Variants in TUBGCP6 observed in about 807,000 individuals in gnomAD.
TUBGCP6 encodes the protein gamma-tubulin complex component 6.
In TUBGCP6, 161 loss-of-function variants were observed where a neutral mutation model predicts 175.8. The observed-to-expected ratio is 0.92, with a 90% CI of 0.81 to 1.04. TUBGCP6 has a LOEUF of 1.04. TUBGCP6 is among the 50% of genes least tolerant of loss of function. The pLI is 0.00. For synonymous variants in TUBGCP6, 1,173 were observed against 1,030.5 expected (o/e 1.14, Z -2.65); for missense variants, 2,572 against 2,433.0 (o/e 1.06, Z -1.20).
chr22:50,241,441 C>G (rs1484653946), intron 1 of TUBGCP6, among the ~76,000 whole-genome samples: 1 of 152,148 alleles, frequency 6.6e-6, no homozygotes, highest in Admixed American at 6.5e-5. Context: ...AGAGAAGACT[C>G]TGCTCCACCA....
chr22:50,227,158 C>T (rs532659384), intron 5 of TUBGCP6, 81 bp from the exon 6 acceptor site: 19 of 1,309,660 alleles, frequency 1.5e-5, no homozygotes, highest in African/African-American at 5.9e-5. Context: ...AAAGTCTCCA[C>T]GTATCTTTAT....
chr22:50,221,958 A>G lies in TUBGCP6; in HGVS notation c.2484+70T>C, dbSNP rs549978393. 2.0e-4 allele frequency: 325 copies of G among 1,599,374 alleles called. 3 individuals carry two copies. In the South Asian group the frequency reaches 3.5e-3, roughly 17 times the overall value. The stretch of plus-strand genomic sequence containing the variant: ...GTCCCCCAAGTTCAGCTCTGCAGCC[A>G]TGACCAACACCAGGTGCCGAGGGCT... On this transcript the variant is annotated intron_variant, in intron 15 of 24. Transcript: ENST00000248846.
intron 5 of TUBGCP6, among the ~76,000 whole-genome samples, chr22:50,227,423 G>T (rs757912052): frequency 1.3e-5 from 2 of 152,070 alleles, no homozygotes; most frequent in African/African-American, 4.8e-5. Context: ...CCAAGCATCT[G>T]CCACAACTCG....
intron 2 of TUBGCP6, among the ~76,000 whole-genome samples, chr22:50,238,324 T>C (rs1188645995): frequency 6.6e-6 from 1 of 151,254 alleles, no homozygotes; most frequent in Non-Finnish European, 1.5e-5. Flanking sequence ...CAGGTGCCTG[T>C]AATCCCAGCT....
At chr22:50,241,161 G>A (rs1158251320) in intron 1 of TUBGCP6, among the ~76,000 whole-genome samples, 6 of 152,102 alleles carry the variant, frequency 3.9e-5, no homozygotes, top group East Asian at 1.9e-4. Flanking sequence ...AATAATCTTC[G>A]CTCTACAATT....
Position 50,227,951 on chromosome 22 carries a change from G to A in TUBGCP6, c.1368C>T (p.Leu456=), listed in dbSNP as rs374881792. 25 of 1,573,308 alleles carry A rather than the reference G, an allele frequency of 1.6e-5. No individual in the cohort carries two copies. The highest frequency in any genetic ancestry group is 1.9e-5 in the Non-Finnish European group (22 of 1,159,100). The change falls in exon 5 of 25, where the codon CTC becomes CTT. Residue 456 remains leucine, a synonymous_variant. Transcript: ENST00000248846. ...CVLSTPPTLS[L]LTIGFLFKKL... ...TCTTGAAGAGAAAACCAATGGTGAG[G>A]AGGCTCAGGGTGGGCGGAGTGGAAA...
chr22:50,222,866 T>C, intron 13 of TUBGCP6: 1 of 432,190 alleles, frequency 2.3e-6, no homozygotes, highest in African/African-American at 2.0e-5. Context: ...AATGAGATCC[T>C]GTGTGGCCTG....
chr22:50,221,677 G>C lies in TUBGCP6; in HGVS notation c.2682C>G (p.Leu894=), dbSNP rs757048686. Residue 894 remains leucine, a synonymous_variant, in exon 16 of 25, where the codon CTC becomes CTG. Coordinates refer to ENST00000248846, the MANE Select transcript of TUBGCP6 (RefSeq NM_020461.4). ...CCACAGGTAGGAAGTCTCCAATGCT[G>C]AGGCTGTCAGAGAAGGGTCTGGCCC... ...AEGARPFSDS[L]SIGDFLPVGP... 6.6e-6 allele frequency: 10 copies of C among 1,517,576 alleles called. No homozygotes were observed. The highest frequency in any genetic ancestry group is 8.8e-6 in the Non-Finnish European group (10 of 1,134,234). The allele number at this position is 1,517,576 out of a possible 1,614,324, so 94.0% of individuals were successfully genotyped here.
rs1372126578 is a variant in TUBGCP6, at chr22:50,221,587, G to A, written c.2772C>T (p.Thr924=). 1 of 1,573,392 alleles carries A rather than the reference G, an allele frequency of 6.4e-7. No individual in the cohort carries two copies. The highest frequency in any genetic ancestry group is 8.6e-7 in the Non-Finnish European group (1 of 1,157,674). Residue 924 remains threonine, a synonymous_variant, in exon 16 of 25, where the codon ACC becomes ACT. Coordinates refer to ENST00000248846, the MANE Select transcript of TUBGCP6 (RefSeq NM_020461.4). ...MVPLLEVALQ[T]INLDLPPSAP... ...CTGAGGGGGGCAGGTCCAAGTTAAT[G>A]GTCTGCAGCGCCACCTCCAGGAGAG...
intron 11 of TUBGCP6, 34 bp from the exon 12 acceptor site, chr22:50,224,454 A>G (rs1340183211): frequency 1.9e-6 from 3 of 1,614,064 alleles, no homozygotes; most frequent in East Asian, 2.2e-5. Context: ...CACTGTCACA[A>G]GGAGGCCCCA....
chr22:50,218,652 A>C, intron 21 of TUBGCP6, 32 bp from the exon 22 acceptor site: 1 of 1,613,650 alleles, frequency 6.2e-7, no homozygotes, highest in Non-Finnish European at 8.5e-7. Context: ...CAGGCATCCC[A>C]CAGGCAGGCA....
rs2064570183 is a variant in TUBGCP6 at position 50,224,166 on chromosome 22, C to T, written c.2245G>A (p.Glu749Lys). 1 of 1,613,826 alleles carries T rather than the reference C, an allele frequency of 6.2e-7. No individual in the cohort carries two copies. Among genetic ancestry groups the T allele is most frequent in the Non-Finnish European group, 8.5e-7 (1 of 1,180,022 alleles). Residue 749 changes from glutamate to lysine, a missense_variant, in exon 13 of 25, where the codon GAG (glutamate) becomes AAG (lysine). Coordinates refer to ENST00000248846, the MANE Select transcript of TUBGCP6 (RefSeq NM_020461.4). ...CTCGCCTTCCTCTCCAGCTCCTCCT[C>T]CAGGGACTTCAGCCTTCTCTCCCTG... ...RDRERRLKSL[E>K]EELERKARQA...
intron 4 of TUBGCP6, among the ~76,000 whole-genome samples, chr22:50,228,697 C>T (rs1805047430): frequency 1.3e-5 from 2 of 152,208 alleles, no homozygotes; most frequent in African/African-American, 4.8e-5. Flanking sequence ...TGCCTAGAAG[C>T]TCTCCCCGCC....
At chr22:50,237,663 C>T (rs905662243) in intron 2 of TUBGCP6, among the ~76,000 whole-genome samples, 1 of 152,168 alleles carries the variant, frequency 6.6e-6, no homozygotes, top group African/African-American at 2.4e-5. Context: ...GAACCACCGC[C>T]AGGCCCCACC....
chr22:50,227,134 A>C, intron 5 of TUBGCP6, 57 bp from the exon 6 acceptor site: 1 of 1,501,218 alleles, frequency 6.7e-7, no homozygotes, highest in Non-Finnish European at 9.1e-7. Context: ...CCAGGCCTGG[A>C]TCAGATCGTG....
chr22:50,243,657 G>GAAGA (rs1426544496), intron 1 of TUBGCP6, 62 bp downstream of exon 1: 2 of 1,053,038 alleles, frequency 1.9e-6, no homozygotes, highest in African/African-American at 1.8e-5. Context: ...GAAGAAGAAA[G>GAAGA]GTCACAGGAA....
chr22:50,231,658 G>A (rs1473587626), intron 3 of TUBGCP6, among the ~76,000 whole-genome samples: 1 of 151,700 alleles, frequency 6.6e-6, no homozygotes, highest in African/African-American at 2.4e-5. Context: ...AGGAGATCAA[G>A]ACCATCCTGG....
intron 1 of TUBGCP6, among the ~76,000 whole-genome samples, chr22:50,242,830 C>T (rs182363664): frequency 4.6e-5 from 7 of 152,288 alleles, no homozygotes; most frequent in Non-Finnish European, 7.4e-5. Context: ...ATTTAAACGG[C>T]AGCTCTAGAA....
Position 50,219,053 on chromosome 22 carries a change from G to T in TUBGCP6, c.4626+15C>A, listed in dbSNP as rs756059959. The T allele has an allele frequency of 2.4e-5, 38 of 1,611,124 alleles. No homozygotes were observed. Among genetic ancestry groups the T allele is most frequent in the Non-Finnish European group, 3.1e-5 (37 of 1,179,758 alleles). ...TCCCCTCTACCACTGGCCCCACCCC[G>T]TGTCCGGAGGCCACCTTCTCAAAGA... On this transcript the variant is annotated intron_variant, in intron 20 of 24. Transcript: ENST00000248846.
Sources: allele counts gnomAD v4.1 joint callset (sites outside exome capture counted in the v4.1 genomes callset), GRCh38; gene constraint gnomAD v4.1.1; transcripts MANE v1.5; gene names NCBI Gene and HGNC (gene_info 2026-07-23, HGNC 2026-07-21).